Variants in IGSF11 observed in about 807,000 individuals in gnomAD.
IGSF11 encodes CXADR like 1.
In IGSF11, 22 loss-of-function variants were observed where a neutral mutation model predicts 41.0. The observed-to-expected ratio is 0.54, with a 90% CI of 0.38 to 0.77. IGSF11 has a LOEUF of 0.77. Among genes scored for constraint, IGSF11 ranks in the 30% least tolerant of loss-of-function variants. The pLI is 0.00. For synonymous variants in IGSF11, 219 were observed against 201.3 expected, an observed-to-expected ratio of 1.09 and a Z score of -0.74; for missense variants, 444 against 530.8, an observed-to-expected ratio of 0.84 and a Z score of 1.61.
intron 1 of IGSF11, among the ~76,000 whole-genome samples, chr3:119,061,751 C>T (rs538388184): frequency 1.1e-4 from 16 of 150,054 alleles, no homozygotes; most frequent in African/African-American, 3.2e-4. Flanking sequence ...TATCTATATA[C>T]GTGGTTCCTA....
At chr3:118,922,485 G>A (rs1014530360) in intron 4 of IGSF11, among the ~76,000 whole-genome samples, 14 of 151,820 alleles carry the variant, frequency 9.2e-5, no homozygotes, top group African/African-American at 3.1e-4. Flanking sequence ...ATACAGTAAT[G>A]CTAAATATAG....
chr3:119,055,824 A>G (rs1456299938), intron 1 of IGSF11, among the ~76,000 whole-genome samples: 2 of 152,194 alleles, frequency 1.3e-5, no homozygotes, highest in African/African-American at 4.8e-5. Flanking sequence ...AACTCACTCA[A>G]AACAGCTCAA....
At chr3:119,055,511 A>G (rs1941795854) in intron 1 of IGSF11, among the ~76,000 whole-genome samples, 1 of 151,924 alleles carries the variant, frequency 6.6e-6, no homozygotes, top group Admixed American at 6.5e-5. Context: ...AATCCTACAC[A>G]GTAATAATGG....
chr3:118,990,574 T>C (rs1935697636), intron 1 of IGSF11, among the ~76,000 whole-genome samples: 1 of 152,164 alleles, frequency 6.6e-6, no homozygotes, highest in South Asian at 2.1e-4. Flanking sequence ...TAATCTTACA[T>C]AGATTCACAT....
At chr3:118,950,228 A>C (rs1348418194) in intron 1 of IGSF11, among the ~76,000 whole-genome samples, 1 of 152,164 alleles carries the variant, frequency 6.6e-6, no homozygotes, top group Non-Finnish European at 1.5e-5. Context: ...GCAAAAGAGA[A>C]ACAATCCTAT....
chr3:118,995,752 A>C (rs1936204158), intron 1 of IGSF11, among the ~76,000 whole-genome samples: 2 of 152,174 alleles, frequency 1.3e-5, no homozygotes, highest in African/African-American at 4.8e-5. Context: ...TCCTGGGTTC[A>C]AGCGATTCTC....
intron 1 of IGSF11, among the ~76,000 whole-genome samples, chr3:119,095,898 G>A (rs1381461604): frequency 1.3e-5 from 2 of 152,150 alleles, no homozygotes; most frequent in Non-Finnish European, 2.9e-5. Context: ...GGTATACCCA[G>A]AAGGAGTATA....
At chr3:118,905,844 G>C in intron 4 of IGSF11, 126 bp from the exon 5 acceptor site, 1 of 1,021,520 alleles carries the variant, frequency 9.8e-7, no homozygotes, top group South Asian at 1.7e-5. Flanking sequence ...TTTTGTGGGG[G>C]TAGGGTGAGA....
At chr3:118,991,262 T>C (rs1438345203) in intron 1 of IGSF11, among the ~76,000 whole-genome samples, 1 of 152,216 alleles carries the variant, frequency 6.6e-6, no homozygotes, top group Non-Finnish European at 1.5e-5. Flanking sequence ...CCATAACACA[T>C]ACAGGGAACA....
intron 1 of IGSF11, among the ~76,000 whole-genome samples, chr3:119,085,330 A>G (rs2076652854): frequency 6.6e-6 from 1 of 152,242 alleles, no homozygotes; most frequent in African/African-American, 2.4e-5. Context: ...CAAGCACTTA[A>G]CAAAGACCCT....
At chr3:119,090,342 C>T (rs2076743861) in intron 1 of IGSF11, among the ~76,000 whole-genome samples, 1 of 152,182 alleles carries the variant, frequency 6.6e-6, no homozygotes, top group African/African-American at 2.4e-5. Context: ...CTATTCCTAT[C>T]AAACTACCAA....
intron 1 of IGSF11, among the ~76,000 whole-genome samples, chr3:119,057,079 C>T (rs898220953): frequency 2.0e-5 from 3 of 152,136 alleles, no homozygotes; most frequent in Non-Finnish European, 4.4e-5. Context: ...GGGAGGCCCT[C>T]TCTCACCACT....
chr3:118,934,833 T>C (rs1036123048), intron 1 of IGSF11, among the ~76,000 whole-genome samples: 1 of 152,178 alleles, frequency 6.6e-6, no homozygotes, highest in African/African-American at 2.4e-5. Context: ...ATCTGGCACA[T>C]TTTACCAACT....
At chr3:118,924,088 GA>G (rs1042325205) in intron 4 of IGSF11, among the ~76,000 whole-genome samples, 3 of 151,520 alleles carry the variant, frequency 2.0e-5, no homozygotes, top group Admixed American at 6.6e-5. Flanking sequence ...ATCATACTGT[GA>G]AAAAAAACAG....
intron 1 of IGSF11, among the ~76,000 whole-genome samples, chr3:119,051,921 TTGAAC>T (rs886924444): frequency 6.6e-6 from 1 of 152,106 alleles, no homozygotes; most frequent in African/African-American, 2.4e-5. Context: ...TAAAAATTCT[TTGAAC>T]TGAACAATAA....
chr3:119,070,604 T>G (rs959055943), intron 1 of IGSF11, among the ~76,000 whole-genome samples: 1 of 144,354 alleles, frequency 6.9e-6, no homozygotes, highest in Admixed American at 6.7e-5. Context: ...TATGTACATG[T>G]TTTTTTATTC....
At chr3:118,903,902 A>G (rs1490192494) in intron 6 of IGSF11, among the ~76,000 whole-genome samples, 1 of 152,208 alleles carries the variant, frequency 6.6e-6, no homozygotes, top group Non-Finnish European at 1.5e-5. Flanking sequence ...AGATGGATCA[A>G]ATGAAAAGCA....
intron 1 of IGSF11, among the ~76,000 whole-genome samples, chr3:119,097,606 T>G (rs2076874885): frequency 6.6e-6 from 1 of 152,112 alleles, no homozygotes; most frequent in Non-Finnish European, 1.5e-5. Flanking sequence ...AATCCTCCAG[T>G]TTGGCCTCTA....
chr3:119,123,769 C>T (rs1268204259), intron 1 of IGSF11, among the ~76,000 whole-genome samples: 2 of 152,188 alleles, frequency 1.3e-5, no homozygotes, highest in Admixed American at 6.5e-5. Context: ...CAAGGTAGCA[C>T]CTCGATGACT....
Sources: gnomAD v4.1 joint callset for allele counts (sites outside exome capture counted in the v4.1 genomes callset) on GRCh38, gnomAD v4.1.1 for gene constraint, MANE v1.5 for transcripts, NCBI Gene and HGNC (gene_info 2026-07-23, HGNC 2026-07-21) for gene names.